Variants in SIL1 observed in about 807,000 individuals in gnomAD.
The protein encoded by SIL1 is SIL1 nucleotide exchange factor, also known as nucleotide exchange factor SIL1.
A neutral mutation model predicts 49.1 loss-of-function variants in SIL1; 40 were observed. The observed-to-expected ratio is 0.81, with a 90% CI of 0.63 to 1.06. SIL1 has a LOEUF of 1.06. SIL1 is among the 50% of genes least tolerant of loss of function. The pLI is 0.00. For synonymous variants in SIL1, 253 were observed against 250.8 expected (o/e 1.01, Z -0.08); for missense variants, 500 against 572.6 (o/e 0.87, Z 1.29).
Position 138,996,655 on chromosome 5 carries a change from G to A in SIL1, c.767+24516C>T, listed in dbSNP as rs186112811. Reference sequence around the variant, plus strand: ...CTGTCTCAGCCTCCTGAGTAGCTGGGACTACAGGTGCGAGCCACCACGCCC... The same window carrying A: ...CTGTCTCAGCCTCCTGAGTAGCTGGAACTACAGGTGCGAGCCACCACGCCC... On this transcript the variant is annotated intron_variant, in intron 7 of 9. Coordinates refer to ENST00000394817, the MANE Select transcript of SIL1 (RefSeq NM_022464.5). Among the ~76,000 whole-genome samples, 531 of 151,800 alleles carry A rather than the reference G, an allele frequency of 3.5e-3. 1 individual carries two copies. Among genetic ancestry groups the A allele is most frequent in the Middle Eastern group, 6.8e-3 (2 of 292 alleles).
At chr5:139,167,194 A>G (rs1405438496) in intron 1 of SIL1, among the ~76,000 whole-genome samples, 5 of 150,136 alleles carry the variant, frequency 3.3e-5, no homozygotes, top group African/African-American at 1.2e-4. Flanking sequence ...GGCTCAAGTA[A>G]CCCCCACCCC....
intron 3 of SIL1, among the ~76,000 whole-genome samples, chr5:139,081,899 A>C (rs1012163963): frequency 2.6e-5 from 4 of 152,066 alleles, no homozygotes; most frequent in African/African-American, 4.8e-5. Context: ...AACAAAAAAA[A>C]CAAAAACACA....
At chr5:138,988,409 G>GT (rs1767686935) in intron 7 of SIL1, among the ~76,000 whole-genome samples, 1 of 152,206 alleles carries the variant, frequency 6.6e-6, no homozygotes, top group African/African-American at 2.4e-5. Flanking sequence ...CATCAAAGAT[G>GT]TTTTGTGAGT....
intron 3 of SIL1, among the ~76,000 whole-genome samples, chr5:139,092,647 T>C (rs185577435): frequency 1.9e-3 from 296 of 152,252 alleles, no homozygotes; most frequent in African/African-American, 6.9e-3. Context: ...GCAGAACCGC[T>C]ACATCTTTGG....
intron 7 of SIL1, among the ~76,000 whole-genome samples, chr5:138,953,656 CA>C (rs1252960381): frequency 3.3e-5 from 5 of 150,572 alleles, no homozygotes; most frequent in Non-Finnish European, 1.5e-5. Context: ...GGCGCTGGCG[CA>C]GGGGGGCCTG....
At chr5:139,105,331 T>C (rs996978905) in intron 3 of SIL1, among the ~76,000 whole-genome samples, 5 of 152,172 alleles carry the variant, frequency 3.3e-5, no homozygotes, top group African/African-American at 1.2e-4. Context: ...CCAAGGAGGC[T>C]GGACTGTGGC....
Position 139,105,639 on chromosome 5 carries a change from G to T in SIL1, c.244+15396C>A, listed in dbSNP as rs376199759. Among the ~76,000 whole-genome samples, 13 of 152,292 alleles carry T rather than the reference G, an allele frequency of 8.5e-5. 1 individual carries two copies. The South Asian group carries it at 1.7e-3, about 19-fold the overall frequency. ...GGCTGTGCATAATGCATGCAGGCCC[G>T]GGAGTGCAGACATTCCCTCCCGGCG... On this transcript the variant is annotated intron_variant, in intron 3 of 9. Transcript: ENST00000394817.
At chr5:139,166,080 G>A (rs1751611890) in intron 1 of SIL1, among the ~76,000 whole-genome samples, 1 of 152,228 alleles carries the variant, frequency 6.6e-6, no homozygotes, top group South Asian at 2.1e-4. Flanking sequence ...CTATGTCATG[G>A]GCCATGGTCA....
chr5:139,142,025 G>C (rs1751089678), intron 1 of SIL1, among the ~76,000 whole-genome samples: 1 of 152,192 alleles, frequency 6.6e-6, no homozygotes, highest in South Asian at 2.1e-4. Context: ...GTCCAACTTA[G>C]CAACTTGACC....
chr5:139,064,912 A>T (rs901625524), intron 3 of SIL1, among the ~76,000 whole-genome samples: 5 of 152,166 alleles, frequency 3.3e-5, no homozygotes, highest in African/African-American at 1.2e-4. Context: ...CATGCATAGG[A>T]GATGCTCAGA....
intron 7 of SIL1, among the ~76,000 whole-genome samples, chr5:139,018,619 C>T (rs1354073216): frequency 2.1e-5 from 3 of 146,196 alleles, no homozygotes; most frequent in Non-Finnish European, 4.5e-5. Flanking sequence ...AAGGGTAGCA[C>T]CAAGAGATAC....
intron 7 of SIL1, among the ~76,000 whole-genome samples, chr5:139,011,011 G>GCTA (rs1299078117): frequency 4.0e-5 from 6 of 149,372 alleles, no homozygotes; most frequent in Non-Finnish European, 3.0e-5. Flanking sequence ...CTTCCCGGCT[G>GCTA]CTTTGTTTAC....
intron 7 of SIL1, among the ~76,000 whole-genome samples, chr5:138,958,986 C>T (rs114009882): frequency 0.021 from 3,141 of 152,300 alleles, 47 homozygotes; most frequent in Non-Finnish European, 0.03. Flanking sequence ...CCATTTCTAT[C>T]ATTTACTTCA....
chr5:139,105,699 G>A (rs1422148820), intron 3 of SIL1, among the ~76,000 whole-genome samples: 1 of 152,204 alleles, frequency 6.6e-6, no homozygotes, highest in Non-Finnish European at 1.5e-5. Context: ...CCGCGACACT[G>A]GCAGATGGCT....
intron 3 of SIL1, among the ~76,000 whole-genome samples, chr5:139,097,030 G>A (rs984779623): frequency 3.4e-4 from 52 of 151,904 alleles, no homozygotes; most frequent in African/African-American, 1.2e-3. Flanking sequence ...GGGCCTTAAG[G>A]GAACATCGGT....
intron 3 of SIL1, among the ~76,000 whole-genome samples, chr5:139,092,338 A>G (rs1218443462): frequency 6.6e-6 from 1 of 152,202 alleles, no homozygotes; most frequent in African/African-American, 2.4e-5. Context: ...ATTATTTGGT[A>G]GAAATTTCTC....
At chr5:139,129,317 C>T (rs1750815090) in intron 1 of SIL1, among the ~76,000 whole-genome samples, 1 of 152,196 alleles carries the variant, frequency 6.6e-6, no homozygotes, top group African/African-American at 2.4e-5. Flanking sequence ...GACAATGGTA[C>T]CAAGACCATT....
intron 3 of SIL1, among the ~76,000 whole-genome samples, chr5:139,063,656 C>T (rs1351770260): frequency 1.3e-5 from 2 of 152,148 alleles, no homozygotes; most frequent in Non-Finnish European, 1.5e-5. Context: ...AGGAGGGAAA[C>T]AAATTGGAAG....
chr5:138,981,592 C>G (rs541783596), intron 7 of SIL1, among the ~76,000 whole-genome samples: 1 of 152,276 alleles, frequency 6.6e-6, no homozygotes, highest in East Asian at 1.9e-4. Context: ...CCAGGATATT[C>G]CCCCCTGGGA....
Sources: gnomAD v4.1 joint callset for allele counts (sites outside exome capture counted in the v4.1 genomes callset) on GRCh38, gnomAD v4.1.1 for gene constraint, MANE v1.5 for transcripts, NCBI Gene and HGNC (gene_info 2026-07-23, HGNC 2026-07-21) for gene names.